CSGALNACT1: variants seen among roughly 807,000 people sequenced by gnomAD.
CSGALNACT1 encodes the protein chondroitin sulfate N-acetylgalactosaminyltransferase 1, also known as beta4GalNAcT-1.
CSGALNACT1 carries 52 observed loss-of-function variants against 51.0 expected under a neutral mutation model. The observed-to-expected ratio is 1.02, with a 90% CI of 0.82 to 1.29. The LOEUF is 1.29. CSGALNACT1 is among the 50% of genes most tolerant of loss of function. The probability of loss-of-function intolerance (pLI) is 0.00; values close to 1 mark genes in which losing one functional copy is unlikely to be tolerated. For missense variants in CSGALNACT1, 935 were observed against 679.2 expected, an observed-to-expected ratio of 1.38 and a Z score of -4.19; for synonymous variants, 341 against 254.4, an observed-to-expected ratio of 1.34 and a Z score of -3.24.
At chr8:19,439,905 C>G in exon 6 of CSGALNACT1, 1 of 1,614,128 alleles carries the variant, frequency 6.2e-7, no homozygotes, top group Non-Finnish European at 8.5e-7. Context: ...GAGATGGACT[C>G]TCCCATCCTG....
At chr8:19,682,969 G>T (rs372231704), upstream of CSGALNACT1, 2 of 295,226 alleles carry the variant, frequency 6.8e-6, no homozygotes, top group East Asian at 8.4e-5. Context: ...GCAGTCCTTC[G>T]TAAACCAAAG....
intron 1 of CSGALNACT1, among the ~76,000 whole-genome samples, chr8:19,719,461 C>T (rs1163100031): frequency 6.6e-6 from 1 of 152,122 alleles, no homozygotes; most frequent in Non-Finnish European, 1.5e-5. Context: ...ACTCAGGAGG[C>T]CTCAGAACCT....
intron 3 of CSGALNACT1, among the ~76,000 whole-genome samples, chr8:19,557,696 C>A (rs1211685790): frequency 6.6e-6 from 1 of 152,196 alleles, no homozygotes; most frequent in African/African-American, 2.4e-5. Flanking sequence ...CCAAACAGCA[C>A]CCCCTGTCAA....
chr8:19,666,465 C>A (rs894662683), intron 1 of CSGALNACT1, among the ~76,000 whole-genome samples: 1 of 151,836 alleles, frequency 6.6e-6, no homozygotes, highest in African/African-American at 2.4e-5. Flanking sequence ...GAGGCTGAGG[C>A]GGGTGAATCA....
intron 3 of CSGALNACT1, among the ~76,000 whole-genome samples, chr8:19,553,288 A>G (rs1053051419): frequency 5.3e-5 from 8 of 152,152 alleles, no homozygotes; most frequent in Non-Finnish European, 7.3e-5. Flanking sequence ...TAAAATTGAA[A>G]AAAACCTTCT....
intron 3 of CSGALNACT1, among the ~76,000 whole-genome samples, chr8:19,586,212 A>C (rs1334516523): frequency 1.3e-5 from 2 of 151,820 alleles, no homozygotes; most frequent in African/African-American, 4.8e-5. Context: ...AAAACACAAA[A>C]ATTATCCGGG....
intron 1 of CSGALNACT1, among the ~76,000 whole-genome samples, chr8:19,704,211 C>T (rs971764399): frequency 9.2e-5 from 14 of 152,288 alleles, no homozygotes; most frequent in African/African-American, 9.6e-5. Context: ...AGGCACTAAA[C>T]GAATGTGCTG....
At chr8:19,756,737 C>T (rs1387224772) in intron 1 of CSGALNACT1, among the ~76,000 whole-genome samples, 1 of 152,172 alleles carries the variant, frequency 6.6e-6, no homozygotes, top group Non-Finnish European at 1.5e-5. Flanking sequence ...CACGCCCCCT[C>T]CACCCTCTCC....
intron 3 of CSGALNACT1, among the ~76,000 whole-genome samples, chr8:19,538,613 C>T (rs952233551): frequency 2.6e-5 from 4 of 152,046 alleles, no homozygotes; most frequent in South Asian, 2.1e-4. Context: ...AGCCAACATT[C>T]GGTGCATAAA....
chr8:19,525,395 G>A (rs185393494), intron 3 of CSGALNACT1, among the ~76,000 whole-genome samples: 18 of 151,764 alleles, frequency 1.2e-4, no homozygotes, highest in African/African-American at 4.1e-4. Flanking sequence ...TTTGAGATCA[G>A]GAGTTCAAGA....
chr8:19,701,846 T>C (rs2061899073), intron 1 of CSGALNACT1, among the ~76,000 whole-genome samples: 1 of 152,172 alleles, frequency 6.6e-6, no homozygotes, highest in South Asian at 2.1e-4. Flanking sequence ...TTTTAACCAC[T>C]ACAAGATGAT....
chr8:19,756,461 G>C (rs944296768), intron 1 of CSGALNACT1, among the ~76,000 whole-genome samples: 5 of 152,148 alleles, frequency 3.3e-5, no homozygotes, highest in African/African-American at 4.8e-5. Context: ...TTTGCTCATC[G>C]ATGAAAAGAT....
chr8:19,655,076 G>A (rs1261432730), intron 1 of CSGALNACT1, among the ~76,000 whole-genome samples: 1 of 152,136 alleles, frequency 6.6e-6, no homozygotes, highest in Non-Finnish European at 1.5e-5. Flanking sequence ...TGTTAGGGAA[G>A]TCATTTTTGT....
At chr8:19,525,588 G>C (rs1367698439) in intron 3 of CSGALNACT1, among the ~76,000 whole-genome samples, 1 of 116,076 alleles carries the variant, frequency 8.6e-6, no homozygotes, top group African/African-American at 3.2e-5. Context: ...CTGCATGCCA[G>C]TCTGGCTGAC....
At chr8:19,502,143 T>G (rs1382858813) in intron 4 of CSGALNACT1, among the ~76,000 whole-genome samples, 2 of 152,242 alleles carry the variant, frequency 1.3e-5, no homozygotes, top group Admixed American at 6.5e-5. Flanking sequence ...ATCTGATTGC[T>G]TCCTTTTATA....
At position 19,644,744 on chromosome 8, in the gene CSGALNACT1, C is replaced by T. The variant is rs140014481; in HGVS notation, c.-544+37729G>A. Among the ~76,000 whole-genome samples the T allele has an allele frequency of 3.4e-3, 436 of 126,604 alleles. 6 individuals carry two copies. Among genetic ancestry groups the T allele is most frequent in the African/African-American group, 0.012 (416 of 33,322 alleles). The allele number at this position is 126,604 out of a possible 152,430, so 83.1% of individuals were successfully genotyped here. On this transcript the variant is annotated intron_variant, in intron 1 of 9. Transcript: ENST00000332246. ...AAAAAAAAAAAAAAAAAAGAGGAAA[C>T]ATAGCTAGTCATCTCATCAAGCCAA...
At chr8:19,492,694 T>C (rs1435744358) in intron 4 of CSGALNACT1, among the ~76,000 whole-genome samples, 3 of 152,222 alleles carry the variant, frequency 2.0e-5, no homozygotes, top group Non-Finnish European at 2.9e-5. Context: ...TCCACGCCAC[T>C]GGCCCGTAGC....
intron 5 of CSGALNACT1, among the ~76,000 whole-genome samples, chr8:19,441,911 T>C (rs1262964941): frequency 1.3e-5 from 2 of 152,130 alleles, no homozygotes; most frequent in Non-Finnish European, 2.9e-5. Flanking sequence ...GGGCGAAGGA[T>C]ATGAACAGAC....
intron 1 of CSGALNACT1, among the ~76,000 whole-genome samples, chr8:19,720,669 C>A (rs1324064809): frequency 6.6e-6 from 1 of 152,138 alleles, no homozygotes; most frequent in Non-Finnish European, 1.5e-5. Context: ...TTCTCTCTCT[C>A]CACCCTCCCT....
Sources: allele counts gnomAD v4.1 joint callset (sites outside exome capture counted in the v4.1 genomes callset), GRCh38; gene constraint gnomAD v4.1.1; transcripts MANE v1.5; gene names NCBI Gene and HGNC (gene_info 2026-07-23, HGNC 2026-07-21).